Variants in BTN1A1 observed in about 807,000 individuals in gnomAD.
BTN1A1 encodes bK14H9.2 (butyrophilin, subfamily 1, member A1).
In BTN1A1, 26 loss-of-function variants were observed where a neutral mutation model predicts 33.1. The ratio of observed to expected loss-of-function variants is 0.79; its 90% CI spans 0.58 to 1.09. The LOEUF (loss-of-function observed/expected upper bound fraction) is 1.09. Ranked by LOEUF, BTN1A1 falls within the 50% of genes least tolerant of loss-of-function variation. The pLI, the probability that BTN1A1 is intolerant of heterozygous loss-of-function variation, is 0.00. For missense variants in BTN1A1, 558 were observed against 655.7 expected (o/e 0.85, Z 1.63); for synonymous variants, 235 against 256.2 (o/e 0.92, Z 0.79).
chr6:26,504,166 A>T (rs191859367), intron 3 of BTN1A1, among the ~76,000 whole-genome samples: 1 of 152,370 alleles, frequency 6.6e-6, no homozygotes, highest in Admixed American at 6.5e-5. Flanking sequence ...AACATCATAG[A>T]TAAAGAAAGC....
At chr6:26,502,384 A>G (rs372506801) in intron 3 of BTN1A1, among the ~76,000 whole-genome samples, 2 of 152,194 alleles carry the variant, frequency 1.3e-5, no homozygotes, top group East Asian at 1.9e-4. Context: ...TGTGTACTGG[A>G]CCATGAAGAA....
At position 26,501,914 on chromosome 6, in the gene BTN1A1, C is replaced by T. The variant is rs1030426160; in HGVS notation, c.404C>T (p.Ala135Val). 2 of 1,582,012 alleles carry T rather than the reference C, an allele frequency of 1.3e-6. No homozygotes were observed. The highest frequency in any genetic ancestry group is 1.7e-6 in the Non-Finnish European group (2 of 1,162,172). The change falls in exon 3 of 8, where the codon GCC becomes GTC. Residue 135 changes from alanine to valine, a missense_variant. Physicochemically the swap from Ala to Val is moderately conservative, Grantham distance 64. Coordinates refer to ENST00000684113, the MANE Select transcript of BTN1A1 (RefSeq NM_001732.3). This position sits in a 1 kb window ranked among gnomAD's most constrained non-coding sequence, Gnocchi z 5.2. The stretch of plus-strand genomic sequence containing the variant: ...AGGGAGGATGGAAGCTACGAAGAAG[C>T]CCTGGTGCATCTGAAGGTGGCTGGT... ...FFREDGSYEEALVHLKVAALG... is the reference protein window; with the variant it reads ...FFREDGSYEEVLVHLKVAALG...
At position 26,501,671 on chromosome 6, in the gene BTN1A1, C is replaced by A. The variant is rs148384181; in HGVS notation, c.161C>A (p.Pro54Gln). The A allele has an allele frequency of 1.8e-5, 29 of 1,613,902 alleles. No individual in the cohort carries two copies. In the Middle Eastern group the frequency reaches 4.9e-4, roughly 27 times the overall value. ...GCCGAGCTGCCCTGTCGCCTGTCTC[C>A]GAACGCGAGCGCCGAGCACTTGGAG... ...EDAELPCRLS[P>Q]NASAEHLELR... The change falls in exon 3 of 8, where the codon CCG (proline) becomes CAG (glutamine). Residue 54 changes from proline (P) to glutamine (Q), a missense_variant. Transcript: ENST00000684113. This position sits in a 1 kb window ranked among gnomAD's most constrained non-coding sequence, Gnocchi z 5.2.
rs373501777 is a variant in BTN1A1 at position 26,506,699 on chromosome 6, G to C, written c.726G>C (p.Arg242Ser). 12 of 1,613,786 alleles carry C rather than the reference G, an allele frequency of 7.4e-6. No individual in the cohort carries two copies. The highest frequency in any genetic ancestry group is 2.2e-5 in the East Asian group (1 of 44,892). ...TTGTTTTAGCTTCCTCCCTCCCAAG[G>C]CTGACTCCCTGGATAGTGGCTGTGG... ...EISIPASSLP[R>S]LTPWIVAVAV... is the part of the protein sequence containing the mutation. The change falls in exon 5 of 8, where the codon AGG (arginine) becomes AGC (serine). Residue 242 changes from arginine (R) to serine (S), a missense_variant. Coordinates refer to ENST00000684113, the MANE Select transcript of BTN1A1 (RefSeq NM_001732.3).
rs1316187938 is a variant in BTN1A1, at chr6:26,509,211, C to T, written c.*37C>T. ...GCTCATCTGTTTTCCTTTCCTCTAACCCCTCTCCTCCATAGCCTTCTGAGG... is the reference window on the plus strand; with the variant it reads ...GCTCATCTGTTTTCCTTTCCTCTAATCCCTCTCCTCCATAGCCTTCTGAGG... On this transcript the variant is annotated 3_prime_UTR_variant, in exon 8 of 8. Transcript: ENST00000684113. 5 of 1,531,244 alleles carry T rather than the reference C, an allele frequency of 3.3e-6. No homozygotes were observed. Among genetic ancestry groups the T allele is most frequent in the Non-Finnish European group, 3.6e-6 (4 of 1,125,722 alleles). 94.9% of individuals were successfully genotyped at this position (1,531,244 alleles called of 1,614,324 possible). A position where few individuals can be genotyped will look rare whatever the true frequency, so the allele number is the denominator to read the frequency against.
At chr6:26,503,364 C>T (rs1763828065) in intron 3 of BTN1A1, among the ~76,000 whole-genome samples, 1 of 151,620 alleles carries the variant, frequency 6.6e-6, no homozygotes. Flanking sequence ...CCTGTAATCC[C>T]AGCTACTCAA....
rs746124499 is a variant in BTN1A1 at position 26,501,577 on chromosome 6, C to T, written c.80-13C>T. The T allele has an allele frequency of 3.1e-6, 5 of 1,611,760 alleles. No homozygotes were observed. Among genetic ancestry groups the T allele is most frequent in the Admixed American group, 3.3e-5 (2 of 59,966 alleles). On this transcript the variant is annotated splice_polypyrimidine_tract_variant and intron_variant, in intron 2 of 7. Transcript: ENST00000684113. The surrounding 1 kb of genome is among the most constrained non-coding windows in gnomAD (Gnocchi z 5.2). ...TCTCCACATCCCGTCTGATCCCGCT[C>T]GTTTTTCGGCAGCTCCCTTTGACGT...
Position 26,501,480 on chromosome 6 carries a change from G to A in BTN1A1, c.80-110G>A. 2 of 1,579,078 alleles carry A rather than the reference G, an allele frequency of 1.3e-6. No individual in the cohort carries two copies. Among genetic ancestry groups the A allele is most frequent in the Non-Finnish European group, 1.7e-6 (2 of 1,151,846 alleles). The stretch of plus-strand genomic sequence containing the variant: ...CCACTGGATCCAGACAAACTCAGCT[G>A]TCAAAGGAGTAAGAGAGCGCGGGGC... On this transcript the variant is annotated intron_variant, in intron 2 of 7. Transcript: ENST00000684113. The surrounding 1 kb of genome is among the most constrained non-coding windows in gnomAD (Gnocchi z 5.2).
chr6:26,502,855 C>G (rs1222636636), intron 3 of BTN1A1, among the ~76,000 whole-genome samples: 3 of 152,058 alleles, frequency 2.0e-5, no homozygotes, highest in Non-Finnish European at 4.4e-5. Context: ...TGTTCTTGTT[C>G]CCTTTTTTGC....
Position 26,501,747 on chromosome 6 carries a change from C to A in BTN1A1, c.237C>A (p.Asp79Glu). Residue 79 changes from aspartate (D) to glutamate (E), a missense_variant, in exon 3 of 8, where the codon GAC becomes GAA. Coordinates refer to ENST00000684113, the MANE Select transcript of BTN1A1 (RefSeq NM_001732.3). This position sits in a 1 kb window ranked among gnomAD's most constrained non-coding sequence, Gnocchi z 5.2. ...CGCCGGCCGTGCTGGTGCATAGGGA[C>A]GGGCGCGAGCAGGAAGCCGAGCAGA... ...KVSPAVLVHR[D>E]GREQEAEQMP... 1 of 1,613,742 alleles carries A rather than the reference C, an allele frequency of 6.2e-7. No individual in the cohort carries two copies. Among genetic ancestry groups the A allele is most frequent in the South Asian group, 1.1e-5 (1 of 91,080 alleles).
At chr6:26,506,581 G>A in intron 4 of BTN1A1, 102 bp from the exon 5 acceptor site, 4 of 1,240,274 alleles carry the variant, frequency 3.2e-6, no homozygotes, top group Non-Finnish European at 4.6e-6. Flanking sequence ...GGATGAGAGT[G>A]GTCCAGGCCA....
At position 26,507,980 on chromosome 6, in the gene BTN1A1, GTCT is replaced by G. The variant is rs1418672101; in HGVS notation, c.880+15_880+17del. The G allele has an allele frequency of 6.2e-7, 1 of 1,613,858 alleles. No homozygotes were observed. Among genetic ancestry groups the G allele is most frequent in the Non-Finnish European group, 8.5e-7 (1 of 1,179,958 alleles). On this transcript the variant is annotated intron_variant, in intron 6 of 7. Coordinates refer to ENST00000684113, the MANE Select transcript of BTN1A1 (RefSeq NM_001732.3). ...CTCCTGGAAGAACTCAGTAAGTTCT[GTCT>G]TCTTGTTATTTCACCCACAGAGTTT...
rs1016304977 is a variant in BTN1A1 at position 26,502,884 on chromosome 6, G to A, written c.427+947G>A. 3.3e-5 allele frequency among the ~76,000 whole-genome samples: 5 copies of A among 152,106 alleles called. No homozygotes were observed. The South Asian group carries it at 1.0e-3, about 32-fold the overall frequency. On this transcript the variant is annotated intron_variant, in intron 3 of 7. Coordinates refer to ENST00000684113, the MANE Select transcript of BTN1A1 (RefSeq NM_001732.3). The stretch of plus-strand genomic sequence containing the variant: ...TTTTTGCTTCAAGCCAGAATTCAAA[G>A]GGAAACAATAAAGAAAATAATAAGC...
chr6:26,507,414 G>T (rs1260304377), intron 5 of BTN1A1, among the ~76,000 whole-genome samples: 2 of 152,072 alleles, frequency 1.3e-5, no homozygotes, highest in Non-Finnish European at 1.5e-5. Flanking sequence ...CAATTGCCCA[G>T]TACCAATCTT....
At chr6:26,502,621 T>G (rs1763818102) in intron 3 of BTN1A1, among the ~76,000 whole-genome samples, 1 of 152,340 alleles carries the variant, frequency 6.6e-6, no homozygotes, top group East Asian at 1.9e-4. Flanking sequence ...TAAATACATA[T>G]AAGAGTTATA....
In BTN1A1 at chr6:26,509,119, C is replaced by T. The variant is rs1249473909; in HGVS notation, c.1526C>T (p.Ala509Val). ...PMGEDSAPRD[A>V]DTLHSKLIPT... Reference sequence around the variant, plus strand: ...GGGGAGGACTCTGCCCCTAGGGATGCAGACACTCTCCATTCTAAGCTAATC... The same window carrying T: ...GGGGAGGACTCTGCCCCTAGGGATGTAGACACTCTCCATTCTAAGCTAATC... Residue 509 changes from alanine to valine, a missense_variant, in exon 8 of 8, where the codon GCA becomes GTA. Ala to Val is a moderately conservative substitution (Grantham distance 64). Coordinates refer to ENST00000684113, the MANE Select transcript of BTN1A1 (RefSeq NM_001732.3). 1 of 1,613,866 alleles carries T rather than the reference C, an allele frequency of 6.2e-7. No individual in the cohort carries two copies. Among genetic ancestry groups the T allele is most frequent in the East Asian group, 2.2e-5 (1 of 44,878 alleles).
Position 26,505,216 on chromosome 6 carries a change from A to G in BTN1A1, c.709+10A>G, listed in dbSNP as rs1208625338. 1.2e-6 allele frequency: 2 copies of G among 1,609,594 alleles called. No individual in the cohort carries two copies. Among genetic ancestry groups the G allele is most frequent in the Non-Finnish European group, 1.7e-6 (2 of 1,176,574 alleles). On this transcript the variant is annotated intron_variant, in intron 4 of 7. Coordinates refer to ENST00000684113, the MANE Select transcript of BTN1A1 (RefSeq NM_001732.3). The stretch of plus-strand genomic sequence containing the variant: ...GAAATATCCATACCAGGTTAGTGGA[A>G]CCAATGCTGCTGGATTCCTATGTTG...
At chr6:26,506,553 AT>A in intron 4 of BTN1A1, 129 bp from the exon 5 acceptor site, 6 of 936,696 alleles carry the variant, frequency 6.4e-6, no homozygotes, top group Non-Finnish European at 9.7e-6. Flanking sequence ...TGGAGTGACT[AT>A]TTTTTTGCTA....
intron 5 of BTN1A1, 81 bp from the exon 6 acceptor site, chr6:26,507,869 T>G (rs906536695): frequency 5.1e-6 from 7 of 1,379,886 alleles, no homozygotes; most frequent in Non-Finnish European, 7.2e-6. Flanking sequence ...GTTCCTCCTT[T>G]GTGTGTTTCC....
Sources: gnomAD v4.1 joint callset for allele counts (sites outside exome capture counted in the v4.1 genomes callset) on GRCh38, gnomAD v4.1.1 for gene constraint, Gnocchi (gnomAD v3.1) non-coding constraint, MANE v1.5 for transcripts, NCBI Gene and HGNC (gene_info 2026-07-23, HGNC 2026-07-21) for gene names.